The following SCRT1 variants were observed in gnomAD, a reference collection of about 807,000 sequenced individuals.
SCRT1 encodes the protein scratch family transcriptional repressor 1.
In SCRT1, 1 loss-of-function variant was observed where a neutral mutation model predicts 3.4. That is an observed-to-expected ratio of 0.29 (90% CI 0.10 to 1.39). The LOEUF (loss-of-function observed/expected upper bound fraction) is 1.39, where lower values mean the gene tolerates loss of function less well. SCRT1 is among the 40% of genes most tolerant of loss of function. The pLI is 0.42. For missense variants in SCRT1, 380 were observed against 526.3 expected, an observed-to-expected ratio of 0.72 and a Z score of 2.72; for synonymous variants, 238 against 247.0, an observed-to-expected ratio of 0.96 and a Z score of 0.34.
In SCRT1 at chr8:144,332,816, C is replaced by A; in HGVS notation, c.*369G>T. The A allele has an allele frequency of 5.1e-6, 1 of 196,610 alleles. No homozygotes were observed. The highest frequency in any genetic ancestry group is 1.0e-5 in the Non-Finnish European group (1 of 97,200). The allele number at this position is 196,610 out of a possible 1,614,324, so 12.2% of individuals were successfully genotyped here. On this transcript the variant is annotated 3_prime_UTR_variant, in exon 2 of 2. Coordinates refer to ENST00000569446, the MANE Select transcript of SCRT1 (RefSeq NM_031309.6). ...GGGGTGGGGAAGACCTGAGTCCCTG[C>A]GACGCGATCCAGGGGCGCAGAGGCG... is the stretch of plus-strand genomic sequence containing the variant.
In SCRT1 at chr8:144,332,397, G is replaced by T. The variant is rs1332486485; in HGVS notation, c.*788C>A. The T allele has an allele frequency of 1.4e-4, 21 of 149,764 alleles. No homozygotes were observed. The highest frequency in any genetic ancestry group is 2.1e-4 in the Non-Finnish European group (14 of 67,184). 9.3% of individuals were successfully genotyped at this position (149,764 alleles called of 1,614,324 possible). A position where few individuals can be genotyped will look rare whatever the true frequency, so the allele number is the denominator to read the frequency against. On this transcript the variant is annotated 3_prime_UTR_variant, in exon 2 of 2. Coordinates refer to ENST00000569446, the MANE Select transcript of SCRT1 (RefSeq NM_031309.6). The stretch of plus-strand genomic sequence containing the variant: ...CTCCAACACGAATGCCTGGGGTACG[G>T]GGGTGGGGGGTGGGGGCCCGGGGCA...
In SCRT1 at chr8:144,333,440, C is replaced by G; in HGVS notation, c.792G>C (p.Gln264His). The change falls in exon 2 of 2, where the codon CAG becomes CAC. Residue 264 changes from glutamine (Q) to histidine (H), a missense_variant. Gln to His is a conservative substitution (Grantham distance 24). Around this residue, in one of 5 missense-constraint regions of SCRT1, gnomAD observed 56 missense variants for 169.3 expected, o/e 0.33. Coordinates refer to ENST00000569446, the MANE Select transcript of SCRT1 (RefSeq NM_031309.6). Reference sequence around the variant, plus strand: ...CGCCGGTGTGCGAGCGCATGTGGCCCTGCAGCAGCCAGGGCCGCGAGAAGG... The same window carrying G: ...CGCCGGTGTGCGAGCGCATGTGGCCGTGCAGCAGCCAGGGCCGCGAGAAGG... ...GKAFSRPWLL[Q>H]GHMRSHTGEK... 6.2e-7 allele frequency: 1 copy of G among 1,602,058 alleles called. No individual in the cohort carries two copies. Among genetic ancestry groups the G allele is most frequent in the Non-Finnish European group, 8.5e-7 (1 of 1,176,600 alleles).
rs782728755 is a variant in SCRT1 at position 144,333,500 on chromosome 8, G to A, written c.732C>T (p.His244=). 4.4e-6 allele frequency: 7 copies of A among 1,605,586 alleles called. No homozygotes were observed. The East Asian group carries it at 1.3e-4, about 31-fold the overall frequency. ...ACACGCCGCACTTGTGGCGCAGGTC[G>A]TGCGTGAGCAGGTGCATGGCCATGG... ...MPAMAMHLLT[H]DLRHKCGVCG... Residue 244 remains histidine (H), a synonymous_variant, in exon 2 of 2, where the codon CAC becomes CAT. Coordinates refer to ENST00000569446, the MANE Select transcript of SCRT1 (RefSeq NM_031309.6).
In SCRT1 at chr8:144,332,907, T is replaced by C. The variant is rs1009458515; in HGVS notation, c.*278A>G. ...TCAGAGACCCAACTCGGAGATGAGG[T>C]TCGGTTCTAGGTCTCGTCGACCCTA... is the stretch of plus-strand genomic sequence containing the variant. On this transcript the variant is annotated 3_prime_UTR_variant, in exon 2 of 2. Coordinates refer to ENST00000569446, the MANE Select transcript of SCRT1 (RefSeq NM_031309.6). 1 of 377,786 alleles carries C rather than the reference T, an allele frequency of 2.6e-6. No individual in the cohort carries two copies. The highest frequency in any genetic ancestry group is 2.1e-5 in the African/African-American group (1 of 47,266). 23.4% of individuals were successfully genotyped at this position (377,786 alleles called of 1,614,324 possible). A position where few individuals can be genotyped will look rare whatever the true frequency, so the allele number is the denominator to read the frequency against.
rs1297698174 is a variant in SCRT1, at chr8:144,332,906, G to A, written c.*279C>T. On this transcript the variant is annotated 3_prime_UTR_variant, in exon 2 of 2. Coordinates refer to ENST00000569446, the MANE Select transcript of SCRT1 (RefSeq NM_031309.6). The stretch of plus-strand genomic sequence containing the variant: ...TTCAGAGACCCAACTCGGAGATGAG[G>A]TTCGGTTCTAGGTCTCGTCGACCCT... 4 of 391,248 alleles carry A rather than the reference G, an allele frequency of 1.0e-5. No individual in the cohort carries two copies. Among genetic ancestry groups the A allele is most frequent in the African/African-American group, 4.2e-5 (2 of 47,572 alleles). The allele number at this position is 391,248 out of a possible 1,614,324, so 24.2% of individuals were successfully genotyped here. A position where few individuals can be genotyped will look rare whatever the true frequency, so the allele number is the denominator to read the frequency against.
Position 144,334,610 on chromosome 8 carries a change from C to T in SCRT1, c.116-494G>A, listed in dbSNP as rs977819619. ...CCCGTCTGTCCCACCTCTCCGGGGT[C>T]CTGGCCGGCTCTCCCTCTGGCCTGC... On this transcript the variant is annotated intron_variant, in intron 1 of 1. Coordinates refer to ENST00000569446, the MANE Select transcript of SCRT1 (RefSeq NM_031309.6). Among the ~76,000 whole-genome samples the T allele has an allele frequency of 2.0e-5, 3 of 152,080 alleles. No individual in the cohort carries two copies. In the East Asian group the frequency reaches 5.8e-4, roughly 29 times the overall value.
At position 144,335,818 on chromosome 8, in the gene SCRT1, C is replaced by G. The variant is rs1817880054; in HGVS notation, c.115+237G>C. On this transcript the variant is annotated intron_variant, in intron 1 of 1. Coordinates refer to ENST00000569446, the MANE Select transcript of SCRT1 (RefSeq NM_031309.6). The surrounding 1 kb of genome is among the most constrained non-coding windows in gnomAD (Gnocchi z 7.7). ...GGTCCATGTGTGCGTTTGGGTACCTCAGTTCCTGATCCTCTTCCCCACCCT... is the reference window on the plus strand; with the variant it reads ...GGTCCATGTGTGCGTTTGGGTACCTGAGTTCCTGATCCTCTTCCCCACCCT... Among the ~76,000 whole-genome samples the G allele has an allele frequency of 6.6e-6, 1 of 152,222 alleles. No individual in the cohort carries two copies.
chr8:144,333,318 T>C lies in SCRT1; in HGVS notation c.914A>G (p.Gln305Arg), dbSNP rs1817824202. 6.2e-7 allele frequency: 1 copy of C among 1,612,728 alleles called. No individual in the cohort carries two copies. Among genetic ancestry groups the C allele is most frequent in the Admixed American group, 1.7e-5 (1 of 59,956 alleles). Reference protein sequence around the residue: ...MQTHSAFKHFQCKRCKKSFAL... With the variant: ...MQTHSAFKHFRCKRCKKSFAL... ...GAAGCTCTTCTTGCAGCGCTTGCAC[T>C]GGAAGTGCTTGAAGGCCGAATGCGT... Residue 305 changes from glutamine (Q) to arginine (R), a missense_variant, in exon 2 of 2, where the codon CAG becomes CGG. Transcript: ENST00000569446.
At position 144,331,031 on chromosome 8, in the gene SCRT1, TATGGGGTGGG is replaced by T. The variant is rs1160820076; in HGVS notation, c.*2144_*2153del. 1 of 150,554 alleles carries T rather than the reference TATGGGGTGGG, an allele frequency of 6.6e-6. No homozygotes were observed. The highest frequency in any genetic ancestry group is 1.5e-5 in the Non-Finnish European group (1 of 67,408). 9.3% of individuals were successfully genotyped at this position (150,554 alleles called of 1,614,324 possible). ...TTCTCCTTAGGTAGGTAGACAGGAG[TATGGGGTGGG>T]GTGAGGTGGGGGCGCCTGTGTGTGC... On this transcript the variant is annotated 3_prime_UTR_variant, in exon 2 of 2. Coordinates refer to ENST00000569446, the MANE Select transcript of SCRT1 (RefSeq NM_031309.6).
rs1817889286 is a variant in SCRT1 at position 144,336,362 on chromosome 8, C to G, written c.-193G>C. ...TCTCCTCCGTTGCCCCTCCGGATCCCTCTTCTTCCTCCTTCCTTCAATCCT... is the reference window on the plus strand; with the variant it reads ...TCTCCTCCGTTGCCCCTCCGGATCCGTCTTCTTCCTCCTTCCTTCAATCCT... On this transcript the variant is annotated 5_prime_UTR_variant, in exon 1 of 2. Transcript: ENST00000569446. This position sits in a 1 kb window ranked among gnomAD's most constrained non-coding sequence, Gnocchi z 6.8. 1.5e-5 allele frequency: 8 copies of G among 516,334 alleles called. No homozygotes were observed. Among genetic ancestry groups the G allele is most frequent in the Non-Finnish European group, 2.8e-5 (8 of 289,482 alleles). The allele number at this position is 516,334 out of a possible 1,614,324, so 32.0% of individuals were successfully genotyped here.
rs1817729274 is a variant in SCRT1, at chr8:144,330,975, G to A, written c.*2210C>T. 6.6e-6 allele frequency: 1 copy of A among 152,620 alleles called. No homozygotes were observed. Among genetic ancestry groups the A allele is most frequent in the Admixed American group, 6.5e-5 (1 of 15,286 alleles). The allele number at this position is 152,620 out of a possible 1,614,324, so 9.5% of individuals were successfully genotyped here. On this transcript the variant is annotated 3_prime_UTR_variant, in exon 2 of 2. Coordinates refer to ENST00000569446, the MANE Select transcript of SCRT1 (RefSeq NM_031309.6). ...GGCGGCGGGGTGTAGGGGGAAGCAG[G>A]AGACCCTGACGGGCCCACAGCCCTC...
chr8:144,336,383 A>G lies in SCRT1; in HGVS notation c.-214T>C, dbSNP rs1322105089. ...ATCCCTCTTCTTCCTCCTTCCTTCA[A>G]TCCTTCCTTCCTTCCTTCAATCCTT... On this transcript the variant is annotated 5_prime_UTR_variant, in exon 1 of 2. Transcript: ENST00000569446. The surrounding 1 kb of genome is among the most constrained non-coding windows in gnomAD (Gnocchi z 6.8). The G allele has an allele frequency of 6.4e-6, 3 of 469,746 alleles. No homozygotes were observed. The highest frequency in any genetic ancestry group is 7.6e-6 in the Non-Finnish European group (2 of 262,058). 29.1% of individuals were successfully genotyped at this position (469,746 alleles called of 1,614,324 possible).
In SCRT1 at chr8:144,333,858, C is replaced by T. The variant is rs1554849992; in HGVS notation, c.374G>A (p.Arg125Gln). 2.4e-6 allele frequency: 3 copies of T among 1,261,816 alleles called. No individual in the cohort carries two copies. The highest frequency in any genetic ancestry group is 3.0e-6 in the Non-Finnish European group (3 of 1,004,186). The allele number at this position is 1,261,816 out of a possible 1,614,324, so 78.2% of individuals were successfully genotyped here. ...DAFFITDGRS[R>Q]RKASNAGAAA... ...AGCGCCGGCATTGGAAGCCTTACGC[C>T]GCGAGCGCCCGTCGGTGATGAAGAA... is the stretch of plus-strand genomic sequence containing the variant. Residue 125 changes from arginine to glutamine, a missense_variant, in exon 2 of 2, where the codon CGG becomes CAG. Arg to Gln is a conservative substitution (Grantham distance 43). This residue lies in a region of SCRT1 where 115 missense variants were observed against 107.3 expected (regional missense o/e 1.07). Coordinates refer to ENST00000569446, the MANE Select transcript of SCRT1 (RefSeq NM_031309.6).
chr8:144,334,289 G>T (rs1364298389), intron 1 of SCRT1, among the ~76,000 whole-genome samples, 173 bp from the exon 2 acceptor site: 1 of 152,000 alleles, frequency 6.6e-6, no homozygotes, highest in African/African-American at 2.4e-5. Context: ...GGGCAGGGAG[G>T]ATGGAGACAG....
intron 1 of SCRT1, among the ~76,000 whole-genome samples, chr8:144,334,437 CAG>C (rs1300508244): frequency 1.4e-4 from 22 of 151,802 alleles, no homozygotes; most frequent in African/African-American, 4.6e-4. Context: ...GCCTCAAGGT[CAG>C]GGGGGAGGGG....
At chr8:144,334,874 C>T (rs1238225420) in intron 1 of SCRT1, among the ~76,000 whole-genome samples, 1 of 152,204 alleles carries the variant, frequency 6.6e-6, no homozygotes, top group Non-Finnish European at 1.5e-5. Context: ...TTGCCCTCTC[C>T]TGCTCACACC....
At position 144,336,121 on chromosome 8, in the gene SCRT1, A is replaced by G; in HGVS notation, c.49T>C (p.Ser17Pro). 6.2e-7 allele frequency: 1 copy of G among 1,610,766 alleles called. No homozygotes were observed. The highest frequency in any genetic ancestry group is 8.5e-7 in the Non-Finnish European group (1 of 1,178,888). Reference sequence around the variant, plus strand: ...CCGTAGGCGCTCTCCAGGTCGGCCGAAGAGAACGCGTCAAGTTTGACCTTC... The same window carrying G: ...CCGTAGGCGCTCTCCAGGTCGGCCGGAGAGAACGCGTCAAGTTTGACCTTC... ...VKKVKLDAFSSADLESAYGRA... is the reference protein window; with the variant it reads ...VKKVKLDAFSPADLESAYGRA... The change falls in exon 1 of 2, where the codon TCG becomes CCG. Residue 17 changes from serine to proline, a missense_variant. Ser to Pro is a moderately conservative substitution (Grantham distance 74). Transcript: ENST00000569446. This position sits in a 1 kb window ranked among gnomAD's most constrained non-coding sequence, Gnocchi z 6.8.
In SCRT1 at chr8:144,332,916, A is replaced by G. The variant is rs1386958919; in HGVS notation, c.*269T>C. ...CAACTCGGAGATGAGGTTCGGTTCT[A>G]GGTCTCGTCGACCCTATTGCTGGGA... On this transcript the variant is annotated 3_prime_UTR_variant, in exon 2 of 2. Coordinates refer to ENST00000569446, the MANE Select transcript of SCRT1 (RefSeq NM_031309.6). 4 of 433,248 alleles carry G rather than the reference A, an allele frequency of 9.2e-6. No individual in the cohort carries two copies. The highest frequency in any genetic ancestry group is 6.4e-5 in the African/African-American group (3 of 46,742). The allele number at this position is 433,248 out of a possible 1,614,324, so 26.8% of individuals were successfully genotyped here.
rs1314629588 is a variant in SCRT1, at chr8:144,336,268, G to A, written c.-99C>T. 1.0e-5 allele frequency: 9 copies of A among 878,494 alleles called. No individual in the cohort carries two copies. In the Admixed American group the frequency reaches 2.3e-4, roughly 22 times the overall value. 54.4% of individuals were successfully genotyped at this position (878,494 alleles called of 1,614,324 possible). A position where few individuals can be genotyped will look rare whatever the true frequency, so the allele number is the denominator to read the frequency against. ...CACCATCCGAGGAGCGGCGGAGGCAGCGCGGGTCCCCACTCTGGCCTTTGG... is the reference window on the plus strand; with the variant it reads ...CACCATCCGAGGAGCGGCGGAGGCAACGCGGGTCCCCACTCTGGCCTTTGG... On this transcript the variant is annotated 5_prime_UTR_variant, in exon 1 of 2. Transcript: ENST00000569446. This position sits in a 1 kb window ranked among gnomAD's most constrained non-coding sequence, Gnocchi z 6.8.
Sources: allele counts gnomAD v4.1 joint callset (sites outside exome capture counted in the v4.1 genomes callset), GRCh38; gene constraint gnomAD v4.1.1; regional missense constraint gnomAD v4.1.1; non-coding constraint Gnocchi (gnomAD v3.1); transcripts MANE v1.5; gene names NCBI Gene and HGNC (gene_info 2026-07-23, HGNC 2026-07-21).